The following EGFLAM variants were observed in gnomAD, a reference collection of about 807,000 sequenced individuals.
EGFLAM encodes the protein pikachurin.
In EGFLAM, 79 loss-of-function variants were observed where a neutral mutation model predicts 113.1. The observed-to-expected ratio is 0.70, with a 90% CI of 0.58 to 0.84. The LOEUF (loss-of-function observed/expected upper bound fraction) is 0.84, where lower values mean the gene tolerates loss of function less well. Among genes scored for constraint, EGFLAM ranks in the 40% least tolerant of loss-of-function variants. EGFLAM has a pLI of 0.00. For synonymous variants in EGFLAM, 504 were observed against 487.6 expected (o/e 1.03, Z -0.44); for missense variants, 1,265 against 1,291.6 (o/e 0.98, Z 0.32).
chr5:38,403,611 A>G, intron 6 of EGFLAM: 1 of 564,884 alleles, frequency 1.8e-6, no homozygotes, highest in African/African-American at 1.9e-5. Flanking sequence ...CAGAGGGATG[A>G]TTCATATCCC....
chr5:38,382,638 T>C (rs563851145), intron 6 of EGFLAM, among the ~76,000 whole-genome samples: 2 of 152,356 alleles, frequency 1.3e-5, no homozygotes, highest in East Asian at 3.9e-4. Flanking sequence ...CAATAGCCTA[T>C]GTTGCACTAA....
chr5:38,361,507 A>G (rs1739921618), intron 5 of EGFLAM, among the ~76,000 whole-genome samples: 1 of 152,194 alleles, frequency 6.6e-6, no homozygotes, highest in African/African-American at 2.4e-5. Flanking sequence ...ACAGGCAGTC[A>G]TGGGATTGAT....
chr5:38,326,563 A>G (rs1738889041), intron 1 of EGFLAM, among the ~76,000 whole-genome samples: 1 of 151,770 alleles, frequency 6.6e-6, no homozygotes, highest in Admixed American at 6.6e-5. Flanking sequence ...CAGTGGTGCA[A>G]TCTCAGCTCA....
chr5:38,269,195 A>G (rs1166084018), intron 1 of EGFLAM, among the ~76,000 whole-genome samples: 2 of 152,108 alleles, frequency 1.3e-5, no homozygotes, highest in Non-Finnish European at 2.9e-5. Context: ...CAACAACAAC[A>G]ACAACAAAAA....
At chr5:38,298,909 C>T (rs938963837) in intron 1 of EGFLAM, among the ~76,000 whole-genome samples, 1 of 152,136 alleles carries the variant, frequency 6.6e-6, no homozygotes, top group Non-Finnish European at 1.5e-5. Flanking sequence ...CCATGTTGCC[C>T]AGGCTGGTCT....
In EGFLAM at chr5:38,318,501, C is replaced by G. The variant is rs141266041; in HGVS notation, c.98-19019C>G. Among the ~76,000 whole-genome samples, 567 of 151,542 alleles carry G rather than the reference C, an allele frequency of 3.7e-3. 4 individuals are homozygous for G. The highest frequency in any genetic ancestry group is 0.013 in the African/African-American group (540 of 41,282). On this transcript the variant is annotated intron_variant, in intron 1 of 21. Coordinates refer to ENST00000322350, the MANE Select transcript of EGFLAM (RefSeq NM_152403.4). The stretch of plus-strand genomic sequence containing the variant: ...TAGTATACTATACTCTCTATACTAT[C>G]TAGTATACTATACTATAGTAACTCT...
intron 19 of EGFLAM, among the ~76,000 whole-genome samples, chr5:38,454,424 G>A (rs529515721): frequency 1.8e-4 from 27 of 152,266 alleles, no homozygotes; most frequent in African/African-American, 6.0e-4. Flanking sequence ...AGGGTTCGCT[G>A]TAAAGATTAA....
intron 5 of EGFLAM, among the ~76,000 whole-genome samples, chr5:38,364,923 G>A (rs1461590500): frequency 2.0e-5 from 3 of 152,274 alleles, no homozygotes; most frequent in African/African-American, 7.2e-5. Context: ...TCCCATTGTG[G>A]GTTGGTAGGT....
At chr5:38,420,465 C>T (rs1411465623) in intron 12 of EGFLAM, among the ~76,000 whole-genome samples, 1 of 152,188 alleles carries the variant, frequency 6.6e-6, no homozygotes, top group East Asian at 1.9e-4. Context: ...AGCCTGGACT[C>T]TGAAGGCAGA....
At chr5:38,383,361 A>G (rs1313552933) in intron 6 of EGFLAM, among the ~76,000 whole-genome samples, 1 of 152,180 alleles carries the variant, frequency 6.6e-6, no homozygotes, top group Non-Finnish European at 1.5e-5. Flanking sequence ...AATTACAACA[A>G]TGAAAATTAG....
chr5:38,460,233 A>AGAATACTCAC (rs1308555101), intron 20 of EGFLAM, among the ~76,000 whole-genome samples: 9 of 152,234 alleles, frequency 5.9e-5, no homozygotes, highest in Admixed American at 2.0e-4. Flanking sequence ...GATCATTGGT[A>AGAATACTCAC]GAATACTCAC....
At chr5:38,445,550 A>T (rs1742679187) in intron 17 of EGFLAM, 1 of 1,585,788 alleles carries the variant, frequency 6.3e-7, no homozygotes, top group African/African-American at 1.3e-5. Flanking sequence ...GACGTTCTGG[A>T]CTCTCGGGCA....
chr5:38,276,166 T>A (rs1263953071), intron 1 of EGFLAM, among the ~76,000 whole-genome samples: 1 of 152,112 alleles, frequency 6.6e-6, no homozygotes, highest in Non-Finnish European at 1.5e-5. Context: ...AAAGAGCTTG[T>A]GCAGGGAAAC....
chr5:38,260,944 G>A (rs531409098), intron 1 of EGFLAM, among the ~76,000 whole-genome samples: 1 of 152,256 alleles, frequency 6.6e-6, no homozygotes, highest in South Asian at 2.1e-4. Flanking sequence ...ATCCATATGG[G>A]AGTTTCTTTG....
At chr5:38,287,466 G>A (rs996121807) in intron 1 of EGFLAM, among the ~76,000 whole-genome samples, 2 of 152,156 alleles carry the variant, frequency 1.3e-5, no homozygotes, top group African/African-American at 4.8e-5. Context: ...CTGCCTCCTG[G>A]ACTCAAGCAG....
intron 12 of EGFLAM, among the ~76,000 whole-genome samples, chr5:38,423,386 G>C (rs1419388882): frequency 6.6e-6 from 1 of 152,096 alleles, no homozygotes; most frequent in African/African-American, 2.4e-5. Flanking sequence ...TTGTTGAAAT[G>C]CTGCTTTCAC....
At chr5:38,398,325 G>A (rs1380240825) in intron 6 of EGFLAM, among the ~76,000 whole-genome samples, 1 of 151,986 alleles carries the variant, frequency 6.6e-6, no homozygotes, top group East Asian at 1.9e-4. Flanking sequence ...AGGTTTGGGT[G>A]GTACAACAGA....
intron 1 of EGFLAM, among the ~76,000 whole-genome samples, chr5:38,335,899 A>G (rs1047541918): frequency 5.3e-5 from 8 of 152,342 alleles, no homozygotes; most frequent in African/African-American, 1.9e-4. Flanking sequence ...TGCAATAGTT[A>G]AAAAGAAATC....
chr5:38,367,065 T>A (rs1034421297), intron 5 of EGFLAM, among the ~76,000 whole-genome samples: 4 of 152,190 alleles, frequency 2.6e-5, no homozygotes, highest in African/African-American at 9.6e-5. Flanking sequence ...TCTCCTGAGG[T>A]ATAGGGTGCC....
Sources: gnomAD v4.1 joint callset for allele counts (sites outside exome capture counted in the v4.1 genomes callset) on GRCh38, gnomAD v4.1.1 for gene constraint, MANE v1.5 for transcripts, NCBI Gene and HGNC (gene_info 2026-07-23, HGNC 2026-07-21) for gene names.